Variants in MYO7B observed in about 807,000 individuals in gnomAD.
MYO7B encodes the protein myosin VIIB.
In MYO7B, 212 loss-of-function variants were observed where a neutral mutation model predicts 259.7. The observed-to-expected ratio is 0.82, with a 90% CI of 0.73 to 0.91. MYO7B has a LOEUF of 0.91. Ranked by LOEUF, MYO7B falls within the 40% of genes least tolerant of loss-of-function variation. The pLI, the probability that MYO7B is intolerant of heterozygous loss-of-function variation, is 0.00. For missense variants in MYO7B, 2,732 were observed against 2,813.5 expected (o/e 0.97, Z 0.66); for synonymous variants, 1,197 against 1,166.4 (o/e 1.03, Z -0.54).
chr2:127,597,065 C>A lies in MYO7B; in HGVS notation c.2339+509C>A, dbSNP rs181218685. The stretch of plus-strand genomic sequence containing the variant: ...CAGGCATGAGAAAGTAGAAGACAGC[C>A]AGCCCCGGGAATAGAGAATGAGGGG... On this transcript the variant is annotated intron_variant, in intron 19 of 47. Coordinates refer to ENST00000409816, the MANE Select transcript of MYO7B (RefSeq NM_001393586.1). This position sits in a 1 kb window ranked among gnomAD's most constrained non-coding sequence, Gnocchi z 4.8. 1.1e-4 allele frequency among the ~76,000 whole-genome samples: 17 copies of A among 152,340 alleles called. No homozygotes were observed. Among genetic ancestry groups the A allele is most frequent in the African/African-American group, 3.8e-4 (16 of 41,578 alleles).
chr2:127,636,464 G>A lies in MYO7B; in HGVS notation c.6124-81G>A, dbSNP rs1322404555. On this transcript the variant is annotated intron_variant, in intron 45 of 47. Coordinates refer to ENST00000409816, the MANE Select transcript of MYO7B (RefSeq NM_001393586.1). This position sits in a 1 kb window ranked among gnomAD's most constrained non-coding sequence, Gnocchi z 4.5. ...AGGGCGTGGGTGTATGTGTGTATGT[G>A]CGTGTGGCCTAGATGAGCTCCTGGG... The A allele has an allele frequency of 4.8e-6, 7 of 1,458,014 alleles. No homozygotes were observed. In the Admixed American group the frequency reaches 1.3e-4, roughly 28 times the overall value. 90.3% of individuals were successfully genotyped at this position (1,458,014 alleles called of 1,614,324 possible).
intron 12 of MYO7B, 114 bp downstream of exon 12, chr2:127,582,560 G>A (rs1418136507): frequency 2.4e-6 from 3 of 1,273,256 alleles, no homozygotes; most frequent in Non-Finnish European, 3.3e-6. Context: ...GGCCTGGCGA[G>A]TCCCACCAGA....
rs946296175 is a variant in MYO7B, at chr2:127,613,566, T to G, written c.3398+963T>G. 6.6e-6 allele frequency among the ~76,000 whole-genome samples: 1 copy of G among 152,256 alleles called. No individual in the cohort carries two copies. Among genetic ancestry groups the G allele is most frequent in the Non-Finnish European group, 1.5e-5 (1 of 68,052 alleles). On this transcript the variant is annotated intron_variant, in intron 26 of 47. Coordinates refer to ENST00000409816, the MANE Select transcript of MYO7B (RefSeq NM_001393586.1). This position sits in a 1 kb window ranked among gnomAD's most constrained non-coding sequence, Gnocchi z 4.3. ...GGGTCATCTCACGGTCAGTCTCTAT[T>G]AACTGTCTTTTCTCTTGAGGATGGT...
At position 127,571,442 on chromosome 2, in the gene MYO7B, G is replaced by GTTTTTTTTTTGTTTTTTTTTTTTTTTT. The variant is rs1553448471; in HGVS notation, c.592+1542_592+1543insGTTTTTTTTTTTTTTTTTTTTTTTTTT. 1.3e-3 allele frequency among the ~76,000 whole-genome samples: 53 copies of GTTTTTTTTTTGTTTTTTTTTTTTTTTT among 41,940 alleles called. 2 individuals carry two copies. The highest frequency in any genetic ancestry group is 1.5e-3 in the East Asian group (1 of 666). The allele number at this position is 41,940 out of a possible 152,430, so 27.5% of individuals were successfully genotyped here. A position where few individuals can be genotyped will look rare whatever the true frequency, so the allele number is the denominator to read the frequency against. Reference sequence around the variant, plus strand: ...AATTGGTCTATTTCCTTACCAGTGAGTTTTTTTTTTTTTTTTTGCTTGTTT... The same window carrying GTTTTTTTTTTGTTTTTTTTTTTTTTTT: ...AATTGGTCTATTTCCTTACCAGTGAGTTTTTTTTTTGTTTTTTTTTTTTTTTTTTTTTTTTTTTTTTTTTGCTTGTTT... On this transcript the variant is annotated intron_variant, in intron 6 of 47. Transcript: ENST00000409816.
At chr2:127,605,211 C>T (rs188317071) in intron 19 of MYO7B, among the ~76,000 whole-genome samples, 66 of 152,266 alleles carry the variant, frequency 4.3e-4, no homozygotes, top group Non-Finnish European at 2.8e-4. Context: ...AGAGGAGGGC[C>T]GTCTGCAATA....
At chr2:127,582,194 G>A (rs1030607454) in intron 11 of MYO7B, 110 bp from the exon 12 acceptor site, 4 of 1,474,230 alleles carry the variant, frequency 2.7e-6, no homozygotes, top group African/African-American at 2.8e-5. Context: ...TTTGAAGGAG[G>A]GATAACATCC....
rs765456894 is a variant in MYO7B, at chr2:127,627,237, T to C, written c.4387T>C (p.Cys1463Arg). 4.3e-6 allele frequency: 7 copies of C among 1,611,664 alleles called. No individual in the cohort carries two copies. In the South Asian group the frequency reaches 7.7e-5, roughly 18 times the overall value. ...CTTGGCTGTTAACTGGAAGGGGCTTTGCTTCCTGGACCAGCAGGAGAAGAT... is the reference window on the plus strand; with the variant it reads ...CTTGGCTGTTAACTGGAAGGGGCTTCGCTTCCTGGACCAGCAGGAGAAGAT... ...LILAVNWKGL[C>R]FLDQQEKMLL... Residue 1463 changes from cysteine (C) to arginine (R), a missense_variant, in exon 33 of 48, where the codon TGC becomes CGC. By Grantham distance (180) the Cys-to-Arg change is radical. Around this residue, in one of 3 missense-constraint regions of MYO7B, gnomAD observed 1,906 missense variants for 2,026.4 expected, o/e 0.94. Transcript: ENST00000409816. This position sits in a 1 kb window ranked among gnomAD's most constrained non-coding sequence, Gnocchi z 5.6.
Position 127,636,910 on chromosome 2 carries a change from C to G in MYO7B, c.6324C>G (p.Ser2108=). The part of the protein sequence containing the change: ...GRGSRLLCET[S]LGYKMDDLLT... ...GCAGCCGCCTGCTGTGCGAGACCTC[C>G]CTGGTGAGCTCAGGTTCTTTCTCCC... is the stretch of plus-strand genomic sequence containing the variant. Residue 2108 remains serine, a synonymous_variant, in exon 47 of 48, where the codon TCC becomes TCG. Transcript: ENST00000409816. This position sits in a 1 kb window ranked among gnomAD's most constrained non-coding sequence, Gnocchi z 4.5. The G allele has an allele frequency of 6.2e-7, 1 of 1,612,036 alleles. No individual in the cohort carries two copies. Among genetic ancestry groups the G allele is most frequent in the Non-Finnish European group, 8.5e-7 (1 of 1,179,866 alleles).
At chr2:127,626,507 G>A (rs1048055094) in intron 31 of MYO7B, 9 of 159,866 alleles carry the variant, frequency 5.6e-5, no homozygotes, top group Admixed American at 4.3e-4. Context: ...CAGGCTGGAC[G>A]TGGTGGCTCA....
At chr2:127,624,363 A>G (rs1391101190) in intron 30 of MYO7B, 43 bp downstream of exon 30, 1 of 1,525,796 alleles carries the variant, frequency 6.6e-7, no homozygotes. Flanking sequence ...CTTTGCCATC[A>G]GGAAACATCC....
intron 1 of MYO7B, among the ~76,000 whole-genome samples, chr2:127,540,627 A>G (rs1338448002): frequency 6.6e-6 from 1 of 152,182 alleles, no homozygotes; most frequent in Admixed American, 6.5e-5. Flanking sequence ...TTCTGGAATG[A>G]AGGGGGGCAT....
chr2:127,632,757 G>A lies in MYO7B; in HGVS notation c.5405+356G>A, dbSNP rs184073294. The stretch of plus-strand genomic sequence containing the variant: ...CAAGTCCATGCGGCCTCCCTCATCC[G>A]CCCACAGCCGTGAAGCTCTTCCTTG... On this transcript the variant is annotated intron_variant, in intron 39 of 47. Coordinates refer to ENST00000409816, the MANE Select transcript of MYO7B (RefSeq NM_001393586.1). Among the ~76,000 whole-genome samples, 544 of 151,832 alleles carry A rather than the reference G, an allele frequency of 3.6e-3. 7 individuals carry two copies. Among genetic ancestry groups the A allele is most frequent in the Admixed American group, 5.2e-3 (80 of 15,298 alleles).
chr2:127,581,740 A>AGGGCCC (rs1476030082), intron 10 of MYO7B, 151 bp from the exon 11 acceptor site: 23 of 1,011,708 alleles, frequency 2.3e-5, no homozygotes, highest in African/African-American at 4.9e-5. Context: ...AACAGCTCCC[A>AGGGCCC]GGGCCCTGGC....
In MYO7B at chr2:127,586,478, G is replaced by A. The variant is rs140561692; in HGVS notation, c.1690+1565G>A. On this transcript the variant is annotated intron_variant, in intron 14 of 47. Transcript: ENST00000409816. This position sits in a 1 kb window ranked among gnomAD's most constrained non-coding sequence, Gnocchi z 4.8. ...GAGGGTGATCATTTAGTCAGAACAG[G>A]CTAGGCTTTGGGAGGCCAAGGGAGA... Among the ~76,000 whole-genome samples, 23 of 152,286 alleles carry A rather than the reference G, an allele frequency of 1.5e-4. No homozygotes were observed. In the East Asian group the frequency reaches 4.4e-3, roughly 29 times the overall value.
chr2:127,565,099 G>T (rs1381175156), intron 3 of MYO7B, 134 bp from the exon 4 acceptor site: 70 of 1,123,046 alleles, frequency 6.2e-5, no homozygotes, highest in Non-Finnish European at 8.2e-5. Flanking sequence ...GCCGGAGGCT[G>T]GCCACTGCCC....
chr2:127,609,849 G>A lies in MYO7B; in HGVS notation c.3025G>A (p.Ala1009Thr). 6.2e-7 allele frequency: 1 copy of A among 1,613,538 alleles called. No individual in the cohort carries two copies. Among genetic ancestry groups the A allele is most frequent in the Non-Finnish European group, 8.5e-7 (1 of 1,179,662 alleles). ...TGGGCCTTCTGTCTTGTTTCCCCAG[G>A]CCGCCCTGGTCATATGGAACGTCAT... ...LYHEDDTDCL[A>T]ALVIWNVILR... Residue 1009 changes from alanine to threonine, a missense_variant and splice_region_variant, in exon 24 of 48, where the codon GCC (alanine) becomes ACC (threonine). This residue lies in a region of MYO7B where 1,906 missense variants were observed against 2,026.4 expected (regional missense o/e 0.94). Transcript: ENST00000409816. This position sits in a 1 kb window ranked among gnomAD's most constrained non-coding sequence, Gnocchi z 6.9.
chr2:127,624,260 C>A lies in MYO7B; in HGVS notation c.3987C>A (p.Thr1329=). ...ACTCCCGGGAGGACCCTGTCAGCACCGAGCTTATTTACCGCCAAGTCCTCC... is the reference window on the plus strand; with the variant it reads ...ACTCCCGGGAGGACCCTGTCAGCACAGAGCTTATTTACCGCCAAGTCCTCC... ...WHDSREDPVS[T]ELIYRQVLRG... Residue 1329 remains threonine, a synonymous_variant, in exon 30 of 48, where the codon ACC becomes ACA. Transcript: ENST00000409816. The A allele has an allele frequency of 1.3e-6, 2 of 1,595,266 alleles. No individual in the cohort carries two copies. The highest frequency in any genetic ancestry group is 8.5e-7 in the Non-Finnish European group (1 of 1,171,716).
chr2:127,540,588 G>A (rs1692967502), intron 1 of MYO7B, among the ~76,000 whole-genome samples: 1 of 152,206 alleles, frequency 6.6e-6, no homozygotes, highest in Non-Finnish European at 1.5e-5. Flanking sequence ...ATTCCCACCA[G>A]CGGTGAAAAA....
chr2:127,633,247 G>C lies in MYO7B; in HGVS notation c.5406-11G>C. ...GGGGGTGGCACCTGCAGCACACGCT[G>C]TCCCCCTCAGGACGGGGCCCCGGAA... On this transcript the variant is annotated splice_polypyrimidine_tract_variant and intron_variant, in intron 39 of 47. Transcript: ENST00000409816. The C allele has an allele frequency of 6.2e-7, 1 of 1,601,358 alleles. No homozygotes were observed. The highest frequency in any genetic ancestry group is 8.5e-7 in the Non-Finnish European group (1 of 1,174,118).
Sources: allele counts gnomAD v4.1 joint callset (sites outside exome capture counted in the v4.1 genomes callset), GRCh38; gene constraint gnomAD v4.1.1; regional missense constraint gnomAD v4.1.1; non-coding constraint Gnocchi (gnomAD v3.1); transcripts MANE v1.5; gene names NCBI Gene and HGNC (gene_info 2026-07-23, HGNC 2026-07-21).